HDAC9: variants seen among roughly 807,000 people sequenced by gnomAD.
The protein encoded by HDAC9 is histone deacetylase 9.
HDAC9 carries 41 observed loss-of-function variants against 139.4 expected under a neutral mutation model. The ratio of observed to expected loss-of-function variants is 0.29; its 90% confidence interval spans 0.23 to 0.38. The LOEUF (loss-of-function observed/expected upper bound fraction) is 0.38, where lower values mean the gene tolerates loss of function less well. Among genes scored for constraint, HDAC9 ranks in the 10% least tolerant of loss-of-function variants. The pLI, the probability that HDAC9 is intolerant of heterozygous loss-of-function variation, is 1.00. For missense variants in HDAC9, 1,147 were observed against 1,297.0 expected (o/e 0.88, Z 1.78); for synonymous variants, 517 against 476.2 (o/e 1.09, Z -1.12).
intron 2 of HDAC9, among the ~76,000 whole-genome samples, chr7:18,261,850 A>T (rs919767720): frequency 6.6e-6 from 1 of 152,240 alleles, no homozygotes; most frequent in Admixed American, 6.5e-5. Context: ...CATTGTGGCT[A>T]CTTGTCCTAA....
At chr7:18,707,742 C>T (rs573494582) in intron 12 of HDAC9, among the ~76,000 whole-genome samples, 1 of 152,142 alleles carries the variant, frequency 6.6e-6, no homozygotes, top group Admixed American at 6.5e-5. Flanking sequence ...CTAAAATGAG[C>T]ATGTCATACT....
In HDAC9 at chr7:18,089,917, GT is replaced by G. The variant is rs34970204; in HGVS notation, c.-97+2713del. ...GTGGCTTTTTATTTTTGCTTCATTG[GT>G]TTTTTTTTGTTTGTTTTAAAATACA... is the stretch of plus-strand genomic sequence containing the variant. On this transcript the variant is annotated intron_variant, in intron 1 of 12. Transcript: ENST00000417496. 5.7e-5 allele frequency among the ~76,000 whole-genome samples: 8 copies of G among 139,794 alleles called. No individual in the cohort carries two copies. The East Asian group carries it at 8.0e-4, about 14-fold the overall frequency. 91.7% of individuals were successfully genotyped at this position (139,794 alleles called of 152,430 possible).
At chr7:18,803,115 G>T (rs1430004045) in intron 17 of HDAC9, among the ~76,000 whole-genome samples, 2 of 151,124 alleles carry the variant, frequency 1.3e-5, no homozygotes, top group East Asian at 1.9e-4. Flanking sequence ...TTCTCTATGT[G>T]ACCTCTTTTT....
intron 1 of HDAC9, among the ~76,000 whole-genome samples, chr7:18,136,331 T>G (rs964184817): frequency 7.9e-5 from 12 of 152,254 alleles, no homozygotes; most frequent in Non-Finnish European, 1.5e-4. Flanking sequence ...GTCAATTTTG[T>G]CCTTTGTTGC....
intron 22 of HDAC9, among the ~76,000 whole-genome samples, chr7:18,887,232 G>C (rs1401024237): frequency 6.6e-6 from 1 of 152,148 alleles, no homozygotes; most frequent in East Asian, 1.9e-4. Flanking sequence ...GCCCTGTTAG[G>C]CATGCTGGGT....
Position 18,727,628 on chromosome 7 carries a change from C to T in HDAC9, c.1780C>T (p.Pro594Ser), listed in dbSNP as rs1403352405. 2 of 1,589,170 alleles carry T rather than the reference C, an allele frequency of 1.3e-6. No homozygotes were observed. The highest frequency in any genetic ancestry group is 3.8e-5 in the Admixed American group (2 of 53,166). ...ACGTGCGCTCTCTGTGCGCCAAGCT[C>T]CGCTGGCTGCGGTTGGCATGGATGG... ...HTRALSVRQA[P>S]LAAVGMDGLE... is the part of the protein sequence containing the mutation. The change falls in exon 13 of 26, where the codon CCG (proline) becomes TCG (serine). Residue 594 changes from proline (P) to serine (S), a missense_variant. By Grantham distance (74) the Pro-to-Ser change is moderately conservative (BLOSUM62 -1). This residue lies in a region of HDAC9 where 256 missense variants were observed against 219.2 expected (regional missense o/e 1.17). Coordinates refer to ENST00000686413, the MANE Select transcript of HDAC9 (RefSeq NM_178425.4).
chr7:18,978,659 G>T (rs1784704488), intron 25 of HDAC9, among the ~76,000 whole-genome samples: 1 of 152,074 alleles, frequency 6.6e-6, no homozygotes, highest in South Asian at 2.1e-4. Context: ...TATACGTCTG[G>T]TCACATATAG....
intron 1 of HDAC9, among the ~76,000 whole-genome samples, chr7:18,147,196 T>C (rs1280768211): frequency 1.3e-5 from 2 of 152,268 alleles, no homozygotes; most frequent in African/African-American, 4.8e-5. Flanking sequence ...CGCTTGCAAA[T>C]AGACCTCTTC....
chr7:18,325,068 A>G (rs994679259), intron 1 of HDAC9, among the ~76,000 whole-genome samples: 1 of 152,138 alleles, frequency 6.6e-6, no homozygotes, highest in Non-Finnish European at 1.5e-5. Context: ...ATTGGGAACA[A>G]TTGACCAACA....
intron 1 of HDAC9, among the ~76,000 whole-genome samples, chr7:18,403,738 T>G (rs1404043763): frequency 1.3e-5 from 2 of 152,198 alleles, no homozygotes; most frequent in African/African-American, 4.8e-5. Flanking sequence ...GCAAAAACAG[T>G]TCTTGCCTTT....
chr7:18,757,769 A>G (rs1159996943), intron 14 of HDAC9, among the ~76,000 whole-genome samples: 1 of 151,982 alleles, frequency 6.6e-6, no homozygotes. Flanking sequence ...GGTAGGCTGC[A>G]TTTTATCCTG....
intron 1 of HDAC9, among the ~76,000 whole-genome samples, chr7:18,132,873 C>A (rs908703722): frequency 7.1e-6 from 1 of 141,398 alleles, no homozygotes; most frequent in African/African-American, 2.9e-5. Flanking sequence ...CCTGCTCCCC[C>A]TTCCCTAAAT....
At chr7:18,662,553 A>T (rs1484979458) in intron 11 of HDAC9, among the ~76,000 whole-genome samples, 1 of 152,038 alleles carries the variant, frequency 6.6e-6, no homozygotes, top group Non-Finnish European at 1.5e-5. Flanking sequence ...CCAGAGTGTA[A>T]GCCAAGGGGT....
chr7:18,561,477 T>G (rs1460238846), intron 2 of HDAC9, among the ~76,000 whole-genome samples: 6 of 152,224 alleles, frequency 3.9e-5, no homozygotes. Flanking sequence ...CCATTTAAAA[T>G]GTACAATTGA....
Position 18,508,188 on chromosome 7 carries a change from G to A in HDAC9, c.22+11864G>A, listed in dbSNP as rs1188724734. Among the ~76,000 whole-genome samples the A allele has an allele frequency of 3.9e-5, 6 of 152,222 alleles. 1 individual carries two copies. The South Asian group carries it at 1.2e-3, about 31-fold the overall frequency. ...AGGAATTAGTATTAAGGTGAAATAA[G>A]AGAATGGGGTAGAAAGTGACTGATA... On this transcript the variant is annotated intron_variant, in intron 2 of 25. Coordinates refer to ENST00000686413, the MANE Select transcript of HDAC9 (RefSeq NM_178425.4).
At chr7:18,108,858 G>A (rs532616485) in intron 1 of HDAC9, among the ~76,000 whole-genome samples, 2 of 152,162 alleles carry the variant, frequency 1.3e-5, no homozygotes, top group African/African-American at 4.8e-5. Flanking sequence ...CTGACCTCAT[G>A]ATCCTCCCTC....
chr7:18,858,669 C>G (rs1797869771), intron 21 of HDAC9, among the ~76,000 whole-genome samples: 1 of 152,124 alleles, frequency 6.6e-6, no homozygotes, highest in Admixed American at 6.6e-5. Context: ...AGTGACAACC[C>G]ATAGTCTAAC....
chr7:18,991,188 G>A (rs1369014637), intron 25 of HDAC9, among the ~76,000 whole-genome samples: 2 of 152,186 alleles, frequency 1.3e-5, no homozygotes, highest in East Asian at 1.9e-4. Context: ...GTATTTATGG[G>A]ATGTCTAGTA....
At chr7:18,111,643 G>C (rs148875895) in intron 1 of HDAC9, among the ~76,000 whole-genome samples, 74 of 152,170 alleles carry the variant, frequency 4.9e-4, no homozygotes, top group African/African-American at 1.7e-3. Flanking sequence ...TTGGTATACT[G>C]TATTGTTTTT....
Sources: allele counts gnomAD v4.1 joint callset (sites outside exome capture counted in the v4.1 genomes callset), GRCh38; gene constraint gnomAD v4.1.1; regional missense constraint gnomAD v4.1.1; transcripts MANE v1.5; gene names NCBI Gene and HGNC (gene_info 2026-07-23, HGNC 2026-07-21).